FSD1L: variants seen among roughly 807,000 people sequenced by gnomAD.
The protein encoded by FSD1L is fibronectin type III and SPRY domain containing 1 like.
FSD1L carries 45 observed loss-of-function variants against 71.6 expected under a neutral mutation model. The ratio of observed to expected loss-of-function variants is 0.63; its 90% CI spans 0.49 to 0.81. FSD1L has a LOEUF of 0.81. Ranked by LOEUF, FSD1L falls within the 30% of genes least tolerant of loss-of-function variation. The probability of loss-of-function intolerance (pLI) is 0.00; values close to 1 mark genes in which losing one functional copy is unlikely to be tolerated. For synonymous variants in FSD1L, 197 were observed against 207.2 expected, an observed-to-expected ratio of 0.95 and a Z score of 0.42; for missense variants, 561 against 618.1, an observed-to-expected ratio of 0.91 and a Z score of 0.98.
chr9:105,457,065 A>G (rs1054291865), intron 1 of FSD1L, among the ~76,000 whole-genome samples: 73 of 152,198 alleles, frequency 4.8e-4, no homozygotes, highest in African/African-American at 1.7e-3. Context: ...TTCTTTACCC[A>G]TAAGGCTTTG....
chr9:105,538,042 A>G (rs796979811), intron 12 of FSD1L, among the ~76,000 whole-genome samples: 12 of 152,332 alleles, frequency 7.9e-5, no homozygotes, highest in African/African-American at 2.9e-4. Flanking sequence ...GATAGGGAAC[A>G]TAGAGTTTTG....
chr9:105,529,946 G>A (rs1402457085), intron 10 of FSD1L, among the ~76,000 whole-genome samples: 3 of 152,084 alleles, frequency 2.0e-5, no homozygotes, highest in Admixed American at 6.5e-5. Flanking sequence ...AGTGAAAGGC[G>A]GAACAGCCAT....
chr9:105,522,702 A>G, intron 10 of FSD1L: 8 of 1,609,414 alleles, frequency 5.0e-6, no homozygotes, highest in Admixed American at 1.7e-5. Flanking sequence ...TAAAGAGGAC[A>G]TGAGCCAAAA....
At chr9:105,463,160 A>T (rs1341814067) in intron 2 of FSD1L, among the ~76,000 whole-genome samples, 3 of 151,138 alleles carry the variant, frequency 2.0e-5, no homozygotes, top group Non-Finnish European at 4.4e-5. Flanking sequence ...AACTTAAAAA[A>T]AAAATGTTAT....
intron 7 of FSD1L, among the ~76,000 whole-genome samples, chr9:105,500,091 C>G (rs1833675323): frequency 6.6e-6 from 1 of 152,198 alleles, no homozygotes; most frequent in African/African-American, 2.4e-5. Flanking sequence ...TCTACTTTCT[C>G]CATTTTATGC....
In FSD1L at chr9:105,470,265, A is replaced by G. The variant is rs144459940; in HGVS notation, c.340-1639A>G. On this transcript the variant is annotated intron_variant, in intron 4 of 13. Transcript: ENST00000481272. ...CCTTGAGATTCTACATGAATTTTAT[A>G]TATATTTTTTCTGTTCCTACAAAAA... 4.5e-3 allele frequency among the ~76,000 whole-genome samples: 690 copies of G among 152,266 alleles called. 6 individuals are homozygous for G. The highest frequency in any genetic ancestry group is 0.022 in the Admixed American group (330 of 15,294).
chr9:105,471,923 A>G lies in FSD1L; in HGVS notation c.359A>G (p.Asn120Ser). 1 of 1,374,114 alleles carries G rather than the reference A, an allele frequency of 7.3e-7. No individual in the cohort carries two copies. Among genetic ancestry groups the G allele is most frequent in the Non-Finnish European group, 9.5e-7 (1 of 1,053,756 alleles). The allele number at this position is 1,374,114 out of a possible 1,614,324, so 85.1% of individuals were successfully genotyped here. The change falls in exon 5 of 14, where the codon AAT (asparagine) becomes AGT (serine). Residue 120 changes from asparagine to serine, a missense_variant. Around this residue, in one of 3 missense-constraint regions of FSD1L, gnomAD observed 410 missense variants for 413.5 expected, o/e 0.99. Coordinates refer to ENST00000481272, the MANE Select transcript of FSD1L (RefSeq NM_001145313.3). ...QELQSQISQC[N>S]NALENSEELL... ...CCCTAGAGTCAGATTAGTCAATGTA[A>G]TAATGCCCTGGAGAACTCTGAAGAA...
intron 13 of FSD1L, among the ~76,000 whole-genome samples, chr9:105,539,773 T>C (rs1226468467): frequency 6.6e-6 from 1 of 152,188 alleles, no homozygotes; most frequent in Non-Finnish European, 1.5e-5. Context: ...CAGTATCTTT[T>C]TGACTCAACA....
chr9:105,506,388 C>A lies in FSD1L; in HGVS notation c.587-11C>A, dbSNP rs774052404. On this transcript the variant is annotated splice_polypyrimidine_tract_variant and intron_variant, in intron 7 of 13. Transcript: ENST00000481272. ...GAATGAATGAGTCTTTTTTTTTTTT[C>A]TTCTTTGCAGTCCCCAAAGCTCCAG... The A allele has an allele frequency of 2.5e-4, 339 of 1,350,252 alleles. No individual in the cohort carries two copies. Among genetic ancestry groups the A allele is most frequent in the East Asian group, 7.3e-4 (25 of 34,440 alleles). The allele number at this position is 1,350,252 out of a possible 1,614,324, so 83.6% of individuals were successfully genotyped here.
intron 3 of FSD1L, among the ~76,000 whole-genome samples, chr9:105,464,564 G>A (rs1421706167): frequency 6.6e-6 from 1 of 152,194 alleles, no homozygotes; most frequent in Non-Finnish European, 1.5e-5. Flanking sequence ...AAATACCAGA[G>A]TGCTCACTTT....
chr9:105,509,319 T>C (rs548843986), intron 9 of FSD1L, among the ~76,000 whole-genome samples: 23 of 152,300 alleles, frequency 1.5e-4, no homozygotes, highest in African/African-American at 5.5e-4. Context: ...CACTTCTGAG[T>C]TTTGTGCCAG....
chr9:105,530,374 A>C (rs768931572), intron 10 of FSD1L: 5 of 472,976 alleles, frequency 1.1e-5, no homozygotes, highest in Non-Finnish European at 1.9e-5. Flanking sequence ...GTGACTTAGG[A>C]TTGGAAGTCT....
intron 10 of FSD1L, chr9:105,525,699 A>G (rs1361812009): frequency 1.2e-6 from 2 of 1,607,292 alleles, no homozygotes; most frequent in African/African-American, 2.7e-5. Context: ...ATGTTGCTGA[A>G]GGACAAGAAG....
At chr9:105,467,206 C>A (rs1284160900) in intron 3 of FSD1L, among the ~76,000 whole-genome samples, 3 of 152,080 alleles carry the variant, frequency 2.0e-5, no homozygotes, top group Admixed American at 6.6e-5. Context: ...ATTACCACCA[C>A]CTTTGATGAG....
chr9:105,509,887 T>C (rs1199169992), intron 9 of FSD1L, among the ~76,000 whole-genome samples: 3 of 152,254 alleles, frequency 2.0e-5, no homozygotes, highest in Non-Finnish European at 2.9e-5. Flanking sequence ...AATAGTCATA[T>C]GTAGGCAGAT....
Position 105,508,730 on chromosome 9 carries a change from T to A in FSD1L, c.895+15T>A. 1 of 1,417,810 alleles carries A rather than the reference T, an allele frequency of 7.1e-7. No individual in the cohort carries two copies. Among genetic ancestry groups the A allele is most frequent in the Non-Finnish European group, 9.7e-7 (1 of 1,029,620 alleles). The allele number at this position is 1,417,810 out of a possible 1,614,324, so 87.8% of individuals were successfully genotyped here. On this transcript the variant is annotated intron_variant, in intron 9 of 13. Coordinates refer to ENST00000481272, the MANE Select transcript of FSD1L (RefSeq NM_001145313.3). Reference sequence around the variant, plus strand: ...AGAGACCAAAGGTGAGATCAGTAGCTCTTTATACAGCATAAAACAAAGCTT... The same window carrying A: ...AGAGACCAAAGGTGAGATCAGTAGCACTTTATACAGCATAAAACAAAGCTT...
chr9:105,495,749 G>A (rs899529036), intron 7 of FSD1L, among the ~76,000 whole-genome samples: 1 of 152,144 alleles, frequency 6.6e-6, no homozygotes, highest in Non-Finnish European at 1.5e-5. Context: ...GCCCGAGGCG[G>A]GCAGATCACA....
At position 105,518,058 on chromosome 9, in the gene FSD1L, CAAA is replaced by C. The variant is rs534925949; in HGVS notation, c.1025+5123_1025+5125del. Among the ~76,000 whole-genome samples, 1,370 of 152,200 alleles carry C rather than the reference CAAA, an allele frequency of 9.0e-3. 21 individuals are homozygous for C. Among genetic ancestry groups the C allele is most frequent in the African/African-American group, 0.032 (1,313 of 41,502 alleles). On this transcript the variant is annotated intron_variant, in intron 10 of 13. Coordinates refer to ENST00000481272, the MANE Select transcript of FSD1L (RefSeq NM_001145313.3). ...TTAAACCAACAAAGATCAAAAGAGACAAAGAAGGGCATTACATAATGGTAAAGG... is the reference window on the plus strand; with the variant it reads ...TTAAACCAACAAAGATCAAAAGAGACGAAGGGCATTACATAATGGTAAAGG...
intron 9 of FSD1L, among the ~76,000 whole-genome samples, chr9:105,510,029 A>G: frequency 6.6e-6 from 1 of 152,220 alleles, no homozygotes; most frequent in East Asian, 1.9e-4. Flanking sequence ...TTTAATGACC[A>G]AAGTTGGACC....
Sources: allele counts gnomAD v4.1 joint callset (sites outside exome capture counted in the v4.1 genomes callset), GRCh38; gene constraint gnomAD v4.1.1; regional missense constraint gnomAD v4.1.1; transcripts MANE v1.5; gene names NCBI Gene and HGNC (gene_info 2026-07-23, HGNC 2026-07-21).